DIP2A: variants seen among roughly 807,000 people sequenced by gnomAD.
The protein encoded by DIP2A is disco-interacting protein 2 homolog A.
In DIP2A, 85 loss-of-function variants were observed where a neutral mutation model predicts 177.4. The ratio of observed to expected loss-of-function variants is 0.48; its 90% CI spans 0.40 to 0.57. The LOEUF (loss-of-function observed/expected upper bound fraction) is 0.57. DIP2A is among the 20% of genes least tolerant of loss of function. DIP2A has a pLI of 0.00. For missense variants in DIP2A, 1,791 were observed against 2,100.2 expected (o/e 0.85, Z 2.88); for synonymous variants, 886 against 881.8 (o/e 1.00, Z -0.08).
chr21:46,546,971 C>T lies in DIP2A; in HGVS notation c.2451C>T (p.Arg817=). ...ACGGGCTGATGGTCACTGGAGTTCG[C>T]AGACACAATGCAGATGACGTTGTGG... ...KLDGLMVTGV[R]RHNADDVVAT... is the part of the protein sequence containing the mutation. The change falls in exon 21 of 38, where the codon CGC becomes CGT. Residue 817 remains arginine, a synonymous_variant. Coordinates refer to ENST00000417564, the MANE Select transcript of DIP2A (RefSeq NM_015151.4). 6.2e-7 allele frequency: 1 copy of T among 1,613,980 alleles called. No homozygotes were observed. Among genetic ancestry groups the T allele is most frequent in the East Asian group, 2.2e-5 (1 of 44,882 alleles).
At chr21:46,504,595 G>A (rs994286872) in intron 6 of DIP2A, 106 bp downstream of exon 6, 96 of 1,371,020 alleles carry the variant, frequency 7.0e-5, no homozygotes, top group East Asian at 1.2e-4. Context: ...CAAGCCAAAC[G>A]TCAGTTTTAA....
chr21:46,567,283 T>G, intron 37 of DIP2A, 87 bp from the exon 38 acceptor site: 1 of 1,529,450 alleles, frequency 6.5e-7, no homozygotes, highest in Non-Finnish European at 8.8e-7. Flanking sequence ...GGCTTCACTC[T>G]TCTTTGTGCC....
intron 8 of DIP2A, among the ~76,000 whole-genome samples, chr21:46,526,618 C>T (rs1258932845): frequency 1.3e-5 from 2 of 152,078 alleles, no homozygotes; most frequent in African/African-American, 4.8e-5. Context: ...TGGTCTTGAA[C>T]GCCTCAGCTC....
Position 46,547,310 on chromosome 21 carries a change from G to A in DIP2A, c.2522+268G>A, listed in dbSNP as rs191243917. On this transcript the variant is annotated intron_variant, in intron 21 of 37. Transcript: ENST00000417564. ...GGCAAAGGCTCAAGGGGACAAATCA[G>A]GGAGGGAAGAATTGAGTAAAGCAAA... is the stretch of plus-strand genomic sequence containing the variant. The A allele has an allele frequency of 5.5e-6, 5 of 912,504 alleles. No individual in the cohort carries two copies. The South Asian group carries it at 1.4e-4, about 26-fold the overall frequency. The allele number at this position is 912,504 out of a possible 1,614,324, so 56.5% of individuals were successfully genotyped here. A position where few individuals can be genotyped will look rare whatever the true frequency, so the allele number is the denominator to read the frequency against.
At chr21:46,576,249 G>C in the DIP2A span, among the ~76,000 whole-genome samples, 2 of 152,248 alleles carry the variant, frequency 1.3e-5, no homozygotes, top group African/African-American at 4.8e-5. Flanking sequence ...GCATGCATTA[G>C]CTATTTTTCC....
intron 8 of DIP2A, among the ~76,000 whole-genome samples, chr21:46,527,841 C>T (rs1033168521): frequency 6.6e-5 from 10 of 152,036 alleles, no homozygotes; most frequent in Non-Finnish European, 1.2e-4. Context: ...GGTGTTAAGG[C>T]TCCTTCAAGT....
intron 8 of DIP2A, among the ~76,000 whole-genome samples, chr21:46,520,343 G>C (rs61043665): frequency 6.6e-6 from 1 of 152,168 alleles, no homozygotes; most frequent in African/African-American, 2.4e-5. Context: ...TTTTCTACTG[G>C]TTCTATTAGT....
At chr21:46,470,606 A>C (rs868791597) in intron 1 of DIP2A, among the ~76,000 whole-genome samples, 2 of 151,932 alleles carry the variant, frequency 1.3e-5, no homozygotes, top group Admixed American at 1.3e-4. Flanking sequence ...CCGTGTTTCT[A>C]CTAAAAACAA....
Position 46,482,466 on chromosome 21 carries a change from A to G in DIP2A, c.92-2291A>G, listed in dbSNP as rs183229683. Among the ~76,000 whole-genome samples, 10 of 152,352 alleles carry G rather than the reference A, an allele frequency of 6.6e-5. No homozygotes were observed. In the East Asian group the frequency reaches 1.9e-3, roughly 29 times the overall value. ...AAAAATCTAATCCATATAATTAGGT[A>G]CTGTACATAATACTTGGTAATGATA... On this transcript the variant is annotated intron_variant, in intron 1 of 37. Coordinates refer to ENST00000417564, the MANE Select transcript of DIP2A (RefSeq NM_015151.4).
intron 1 of DIP2A, among the ~76,000 whole-genome samples, chr21:46,468,647 ATACTG>A (rs1279636096): frequency 6.6e-6 from 1 of 152,200 alleles, no homozygotes; most frequent in Non-Finnish European, 1.5e-5. Flanking sequence ...ATAGTTAACA[ATACTG>A]TATTGTATAT....
intron 13 of DIP2A, among the ~76,000 whole-genome samples, chr21:46,536,504 A>G (rs1041957485): frequency 6.6e-6 from 1 of 152,208 alleles, no homozygotes; most frequent in Admixed American, 6.5e-5. Context: ...GGGTGTGAGA[A>G]TTGAGGAGAT....
At chr21:46,515,628 C>G (rs558273516) in intron 8 of DIP2A, among the ~76,000 whole-genome samples, 1 of 152,224 alleles carries the variant, frequency 6.6e-6, no homozygotes, top group East Asian at 1.9e-4. Context: ...GCTCCACCCC[C>G]CAGGCTCAGG....
intron 2 of DIP2A, among the ~76,000 whole-genome samples, chr21:46,488,730 T>C (rs1432409697): frequency 6.6e-6 from 1 of 152,218 alleles, no homozygotes; most frequent in Non-Finnish European, 1.5e-5. Flanking sequence ...CATACATTGC[T>C]TGTAGGAGTG....
Position 46,545,137 on chromosome 21 carries a change from C to A in DIP2A, c.2177C>A (p.Ala726Asp). Reference sequence around the variant, plus strand: ...TTTTGAGTTTTTTTTCTCATTTTAGCTAATGTATGTGTTGTGAAGTTAGAA... The same window carrying A: ...TTTTGAGTTTTTTTTCTCATTTTAGATAATGTATGTGTTGTGAAGTTAGAA... ...VQDVGQVMPG[A>D]NVCVVKLEGT... The change falls in exon 19 of 38, where the codon GCT (alanine) becomes GAT (aspartate). Residue 726 changes from alanine (A) to aspartate (D), a missense_variant and splice_region_variant. Physicochemically the swap from Ala to Asp is moderately radical, Grantham distance 126. Coordinates refer to ENST00000417564, the MANE Select transcript of DIP2A (RefSeq NM_015151.4). 1.3e-6 allele frequency: 2 copies of A among 1,567,608 alleles called. No homozygotes were observed. The highest frequency in any genetic ancestry group is 1.7e-6 in the Non-Finnish European group (2 of 1,151,044).
intron 20 of DIP2A, chr21:46,546,335 G>A (rs1178554601): frequency 2.9e-6 from 3 of 1,036,530 alleles, no homozygotes; most frequent in East Asian, 1.6e-4. Flanking sequence ...CTCTCAACTG[G>A]GCAATTTTGC....
intron 32 of DIP2A, 145 bp from the exon 33 acceptor site, chr21:46,560,577 A>G: frequency 9.6e-7 from 1 of 1,042,100 alleles, no homozygotes; most frequent in Non-Finnish European, 1.4e-6. Context: ...TTGAACCCCT[A>G]GGCGGACTCA....
chr21:46,460,816 C>T (rs1361900817), intron 1 of DIP2A, among the ~76,000 whole-genome samples: 5 of 151,974 alleles, frequency 3.3e-5, no homozygotes, highest in African/African-American at 1.2e-4. Flanking sequence ...GCCTCAGCCT[C>T]CCGAGTAGCT....
intron 5 of DIP2A, among the ~76,000 whole-genome samples, chr21:46,501,775 A>G (rs2057665358): frequency 6.6e-6 from 1 of 152,232 alleles, no homozygotes; most frequent in South Asian, 2.1e-4. Flanking sequence ...TATACCATGT[A>G]TACCTTTTTT....
intron 22 of DIP2A, among the ~76,000 whole-genome samples, chr21:46,550,285 C>T (rs2060223616): frequency 6.6e-6 from 1 of 152,202 alleles, no homozygotes; most frequent in African/African-American, 2.4e-5. Flanking sequence ...CTCATTGCCC[C>T]ATCCCTCAGC....
Sources: allele counts gnomAD v4.1 joint callset (sites outside exome capture counted in the v4.1 genomes callset), GRCh38; gene constraint gnomAD v4.1.1; transcripts MANE v1.5; gene names NCBI Gene and HGNC (gene_info 2026-07-23, HGNC 2026-07-21).